Variants in MESD observed in about 807,000 individuals in gnomAD.
MESD encodes the protein LRP chaperone MESD.
Under a neutral mutation model 12.9 loss-of-function variants are expected in MESD, and 7 were observed. The observed-to-expected ratio is 0.54, with a 90% CI of 0.31 to 1.02. The LOEUF (loss-of-function observed/expected upper bound fraction) is 1.02. Among genes scored for constraint, MESD ranks in the 50% least tolerant of loss-of-function variants. MESD has a pLI of 0.05. For missense variants in MESD, 342 were observed against 296.7 expected, an observed-to-expected ratio of 1.15 and a Z score of -1.12; for synonymous variants, 126 against 115.6, an observed-to-expected ratio of 1.09 and a Z score of -0.58.
intron 1 of MESD, among the ~76,000 whole-genome samples, chr15:80,987,919 T>C (rs1354645631): frequency 6.6e-6 from 1 of 151,990 alleles, no homozygotes; most frequent in East Asian, 1.9e-4. Flanking sequence ...AGGCCAAGAG[T>C]TCAAAACCAG....
At chr15:80,971,389 C>T (rs71399434), downstream of MESD, among the ~76,000 whole-genome samples, 5 of 152,208 alleles carry the variant, frequency 3.3e-5, no homozygotes, top group African/African-American at 1.2e-4. Flanking sequence ...TTGGGCTCCT[C>T]TGAGCCATCT....
chr15:80,983,839 T>C (rs1268379581), intron 1 of MESD, among the ~76,000 whole-genome samples: 1 of 151,672 alleles, frequency 6.6e-6, no homozygotes, highest in African/African-American at 2.4e-5. Context: ...CAAAATGAGA[T>C]GTTGAACCCA....
At chr15:80,953,768 G>A (rs1183790516) in intron 3 of MESD, among the ~76,000 whole-genome samples, 1 of 152,194 alleles carries the variant, frequency 6.6e-6, no homozygotes, top group East Asian at 1.9e-4. Flanking sequence ...GTGAAGGCAT[G>A]GGCGTTCACT....
intron 3 of MESD, among the ~76,000 whole-genome samples, chr15:80,966,493 G>C (rs1475611687): frequency 2.0e-5 from 3 of 152,188 alleles, no homozygotes; most frequent in Admixed American, 2.0e-4. Flanking sequence ...ATTACAGACA[G>C]AGAGACCTGA....
At chr15:80,964,269 G>A (rs1157437540) in intron 3 of MESD, among the ~76,000 whole-genome samples, 2 of 152,122 alleles carry the variant, frequency 1.3e-5, no homozygotes, top group African/African-American at 4.8e-5. Flanking sequence ...ACTTACAAGG[G>A]ATGTGAAGGA....
chr15:80,962,287 A>C (rs139251439), intron 3 of MESD, among the ~76,000 whole-genome samples: 33,358 of 152,142 alleles, frequency 0.22, 3,837 homozygotes, highest in Middle Eastern at 0.37. Flanking sequence ...ACAAGAAGAG[A>C]TAACTATCCT....
At position 80,989,611 on chromosome 15, in the gene MESD, C is replaced by T; in HGVS notation, c.181G>A (p.Ala61Thr). Residue 61 changes from alanine to threonine, a missense_variant, in exon 1 of 3, where the codon GCA becomes ACA. Ala to Thr is a moderately conservative substitution (Grantham distance 58). Transcript: ENST00000261758. ...KKKDIRDYND[A>T]DMARLLEQWE... ...TGCTCCAGAAGACGCGCCATGTCTG[C>T]ATCATTGTAATCGCGAATATCCTTC... 6.2e-7 allele frequency: 1 copy of T among 1,614,014 alleles called. No homozygotes were observed. Among genetic ancestry groups the T allele is most frequent in the Admixed American group, 1.7e-5 (1 of 60,028 alleles).
At chr15:80,975,329 G>A (rs539023608), downstream of MESD, among the ~76,000 whole-genome samples, 1 of 151,994 alleles carries the variant, frequency 6.6e-6, no homozygotes, top group African/African-American at 2.4e-5. Flanking sequence ...AGGCTGCAGT[G>A]AGCTATGAAC....
chr15:80,979,332 T>C lies in MESD; in HGVS notation c.592A>G (p.Lys198Glu). 1 of 1,614,236 alleles carries C rather than the reference T, an allele frequency of 6.2e-7. No homozygotes were observed. The change falls in exon 3 of 3, where the codon AAA becomes GAA. Residue 198 changes from lysine (K) to glutamate (E), a missense_variant. Physicochemically the swap from Lys to Glu is moderately conservative, Grantham distance 56. Transcript: ENST00000261758. ...TCTTGCTTTGTTTTATTTTTCTCTT[T>C]GCTTCCTCCTCCTTTGCCGGGGTAC... ...QVYPGKGGGS[K>E]EKNKTKQDKG...
chr15:80,982,897 A>G (rs1420852640), intron 1 of MESD, among the ~76,000 whole-genome samples: 1 of 151,748 alleles, frequency 6.6e-6, no homozygotes, highest in Non-Finnish European at 1.5e-5. Context: ...CCTAGGCAAC[A>G]CAGTAAGACT....
downstream of MESD, among the ~76,000 whole-genome samples, chr15:80,973,396 G>A (rs536783122): frequency 2.2e-4 from 33 of 152,070 alleles, no homozygotes; most frequent in Non-Finnish European, 3.8e-4. Context: ...AAAATTCGCC[G>A]GGTGTAGTGG....
At chr15:80,981,510 G>A (rs1902577937) in intron 2 of MESD, among the ~76,000 whole-genome samples, 1 of 151,544 alleles carries the variant, frequency 6.6e-6, no homozygotes. Context: ...AAAGGCAGAG[G>A]CCCTTGGGAA....
At chr15:80,953,078 G>A (rs1413009865) in intron 3 of MESD, 1 of 455,954 alleles carries the variant, frequency 2.2e-6, no homozygotes, top group Non-Finnish European at 4.4e-6. Context: ...TTTTGTAAGA[G>A]GCAGAGTCTG....
intron 1 of MESD, among the ~76,000 whole-genome samples, chr15:80,983,485 A>C (rs1444832293): frequency 6.6e-6 from 1 of 152,188 alleles, no homozygotes; most frequent in Non-Finnish European, 1.5e-5. Flanking sequence ...AACTTCTGGG[A>C]AGTAAGTTAC....
chr15:80,973,393 G>A (rs931945571), downstream of MESD, among the ~76,000 whole-genome samples: 1 of 151,964 alleles, frequency 6.6e-6, no homozygotes, highest in Non-Finnish European at 1.5e-5. Context: ...ACAAAAATTC[G>A]CCGGGTGTAG....
At chr15:80,984,927 C>T (rs1196967047) in intron 1 of MESD, among the ~76,000 whole-genome samples, 1 of 152,138 alleles carries the variant, frequency 6.6e-6, no homozygotes, top group Non-Finnish European at 1.5e-5. Flanking sequence ...GAAGGTGATC[C>T]ATACCGACGT....
chr15:80,949,003 G>GT (rs1253415260), intron 4 of MESD: 15 of 1,580,162 alleles, frequency 9.5e-6, no homozygotes, highest in African/African-American at 1.3e-5. Flanking sequence ...GGATGGCTGG[G>GT]TCCCCCAGCC....
intron 3 of MESD, among the ~76,000 whole-genome samples, chr15:80,964,174 T>C (rs1902136031): frequency 1.3e-5 from 2 of 152,068 alleles, no homozygotes; most frequent in African/African-American, 4.8e-5. Context: ...AGCATTCCTA[T>C]ACAACAGGAA....
At chr15:80,955,102 G>C (rs1405625830) in intron 3 of MESD, among the ~76,000 whole-genome samples, 3 of 150,824 alleles carry the variant, frequency 2.0e-5, no homozygotes, top group African/African-American at 7.3e-5. Flanking sequence ...TTCAAAACCA[G>C]CCTGGGCAAC....
Sources: allele counts gnomAD v4.1 joint callset (sites outside exome capture counted in the v4.1 genomes callset), GRCh38; gene constraint gnomAD v4.1.1; transcripts MANE v1.5; gene names NCBI Gene and HGNC (gene_info 2026-07-23, HGNC 2026-07-21).